ZDHHC2: variants seen among roughly 807,000 people sequenced by gnomAD.
ZDHHC2 encodes the protein zDHHC palmitoyltransferase 2.
Under a neutral mutation model 55.6 loss-of-function variants are expected in ZDHHC2, and 51 were observed. The ratio of observed to expected loss-of-function variants is 0.92; its 90% CI spans 0.73 to 1.16. The LOEUF (loss-of-function observed/expected upper bound fraction) is 1.16. ZDHHC2 is among the 50% of genes most tolerant of loss of function. The pLI, the probability that ZDHHC2 is intolerant of heterozygous loss-of-function variation, is 0.00. For missense variants in ZDHHC2, 491 were observed against 442.4 expected (o/e 1.11, Z -0.99); for synonymous variants, 199 against 152.9 (o/e 1.30, Z -2.22).
chr8:17,183,385 G>T (rs1481548749), intron 1 of ZDHHC2, among the ~76,000 whole-genome samples: 1 of 152,182 alleles, frequency 6.6e-6, no homozygotes, highest in East Asian at 1.9e-4. Flanking sequence ...CTTGCCTCAA[G>T]CCTCTCCTGT....
intron 3 of ZDHHC2, among the ~76,000 whole-genome samples, chr8:17,191,491 A>T (rs1006484179): frequency 6.6e-6 from 1 of 152,170 alleles, no homozygotes; most frequent in Non-Finnish European, 1.5e-5. Flanking sequence ...TCTGGTTGCC[A>T]TCCTTTTATT....
intron 1 of ZDHHC2, among the ~76,000 whole-genome samples, chr8:17,160,939 A>T (rs1202708264): frequency 6.6e-6 from 1 of 152,230 alleles, no homozygotes; most frequent in East Asian, 1.9e-4. Flanking sequence ...AAGCTAGACC[A>T]CTAGAATCTT....
At chr8:17,175,353 A>G (rs367808834) in intron 1 of ZDHHC2, among the ~76,000 whole-genome samples, 78 of 152,186 alleles carry the variant, frequency 5.1e-4, no homozygotes, top group Admixed American at 3.2e-3. Flanking sequence ...ATTGTAATTT[A>G]TTTGCATTTT....
chr8:17,172,445 T>TGCAGCCAG (rs1804905376), intron 1 of ZDHHC2, among the ~76,000 whole-genome samples: 1 of 151,880 alleles, frequency 6.6e-6, no homozygotes, highest in Admixed American at 6.6e-5. Flanking sequence ...AGATGGGGAG[T>TGCAGCCAG]GGGCTGCAGT....
chr8:17,169,270 T>C (rs1804743091), intron 1 of ZDHHC2, among the ~76,000 whole-genome samples: 1 of 149,834 alleles, frequency 6.7e-6, no homozygotes, highest in Non-Finnish European at 1.5e-5. Flanking sequence ...TGCCATTTCA[T>C]GGTTCAGCAG....
chr8:17,216,720 A>AT (rs1333917798), intron 11 of ZDHHC2, among the ~76,000 whole-genome samples: 1 of 152,124 alleles, frequency 6.6e-6, no homozygotes, highest in Non-Finnish European at 1.5e-5. Flanking sequence ...TGTTCGATTA[A>AT]TTTTTTTGTT....
At chr8:17,194,871 T>TTGATTG (rs1361739017) in intron 3 of ZDHHC2, among the ~76,000 whole-genome samples, 3 of 152,182 alleles carry the variant, frequency 2.0e-5, no homozygotes, top group African/African-American at 7.2e-5. Flanking sequence ...GGCGCACATT[T>TTGATTG]ATAGAAATTT....
chr8:17,190,951 C>CTTTTTTTTT (rs10601402), intron 3 of ZDHHC2, among the ~76,000 whole-genome samples: 22 of 52,776 alleles, frequency 4.2e-4, no homozygotes, highest in South Asian at 1.0e-3. Flanking sequence ...CTTATTCATT[C>CTTTTTTTTT]TTTTTTTTTT....
In ZDHHC2 at chr8:17,201,481, C is replaced by CTCTTTTT. The variant is rs1554466758; in HGVS notation, c.476+3069_476+3070insCTTTTTT. ...GGGGCAGCCTTTTCTCTCTCTCTCT[C>CTCTTTTT]TTTTTTTTTTTTTTTTTTTTTTTTT... On this transcript the variant is annotated intron_variant, in intron 6 of 12. Coordinates refer to ENST00000262096, the MANE Select transcript of ZDHHC2 (RefSeq NM_016353.5). 8.2e-4 allele frequency among the ~76,000 whole-genome samples: 20 copies of CTCTTTTT among 24,336 alleles called. 1 individual carries two copies. Among genetic ancestry groups the CTCTTTTT allele is most frequent in the Admixed American group, 7.2e-3 (10 of 1,380 alleles). The allele number at this position is 24,336 out of a possible 152,430, so 16.0% of individuals were successfully genotyped here.
chr8:17,185,312 G>T (rs1585680795), intron 2 of ZDHHC2, among the ~76,000 whole-genome samples: 2 of 152,068 alleles, frequency 1.3e-5, no homozygotes, highest in Admixed American at 1.3e-4. Flanking sequence ...ATTAAATTGT[G>T]TATTAATGTA....
chr8:17,169,665 A>G (rs567145336), intron 1 of ZDHHC2, among the ~76,000 whole-genome samples: 1 of 152,300 alleles, frequency 6.6e-6, no homozygotes, highest in East Asian at 1.9e-4. Context: ...TGATTTATAA[A>G]TGAAGAGCAA....
chr8:17,192,861 C>G (rs1180600464), intron 3 of ZDHHC2, among the ~76,000 whole-genome samples: 2 of 152,238 alleles, frequency 1.3e-5, no homozygotes, highest in Admixed American at 6.5e-5. Context: ...CCCAGCAGCA[C>G]TTACTGAAGA....
At chr8:17,195,261 C>G (rs1332299408) in intron 3 of ZDHHC2, among the ~76,000 whole-genome samples, 2 of 152,078 alleles carry the variant, frequency 1.3e-5, no homozygotes, top group Admixed American at 6.5e-5. Context: ...TTGAGTTACA[C>G]AAAAACCAGA....
chr8:17,210,476 A>T lies in ZDHHC2; in HGVS notation c.946A>T (p.Lys316Ter). The change falls in exon 10 of 13, where the codon AAA becomes TAA. Residue 316 changes from lysine to a stop codon, truncating the protein, a stop_gained. Transcript: ENST00000262096. LOFTEE classifies it high-confidence loss of function. Reference protein sequence around the residue: ...STPAGLNSTAKNLENHQFPAK... With the variant: ...STPAGLNSTA ...TCCTGCAGGGCTGAATTCCACAGCTAAAAAGTAATCTCATATTTTTTTTCA... is the reference window on the plus strand; with the variant it reads ...TCCTGCAGGGCTGAATTCCACAGCTTAAAAGTAATCTCATATTTTTTTTCA... 1 of 1,604,696 alleles carries T rather than the reference A, an allele frequency of 6.2e-7. No individual in the cohort carries two copies. The highest frequency in any genetic ancestry group is 8.5e-7 in the Non-Finnish European group (1 of 1,176,754).
At chr8:17,159,882 C>G (rs141876511) in intron 1 of ZDHHC2, among the ~76,000 whole-genome samples, 65 of 152,306 alleles carry the variant, frequency 4.3e-4, no homozygotes, top group African/African-American at 1.3e-3. Flanking sequence ...CCTTTTCCCT[C>G]TCCCCTGTCC....
chr8:17,188,969 C>G (rs1277078095), intron 3 of ZDHHC2, among the ~76,000 whole-genome samples: 3 of 152,020 alleles, frequency 2.0e-5, no homozygotes, highest in Non-Finnish European at 2.9e-5. Context: ...AAATTCTATA[C>G]CCTCACCCTC....
chr8:17,195,131 C>G (rs1430356744), intron 3 of ZDHHC2, among the ~76,000 whole-genome samples: 1 of 152,082 alleles, frequency 6.6e-6, no homozygotes, highest in Non-Finnish European at 1.5e-5. Context: ...TCTTAATGAT[C>G]TAAATGAAAA....
intron 1 of ZDHHC2, among the ~76,000 whole-genome samples, chr8:17,175,562 C>T (rs1276100726): frequency 1.3e-5 from 2 of 152,166 alleles, no homozygotes; most frequent in Non-Finnish European, 2.9e-5. Flanking sequence ...TGAATTTATC[C>T]TCCATATTTG....
chr8:17,189,406 G>A lies in ZDHHC2; in HGVS notation c.252+2981G>A, dbSNP rs145224539. ...TGAATACTTTTGAAAATACACCATC[G>A]TTAGAATGTAGGTTCCATAAGGGCG... is the stretch of plus-strand genomic sequence containing the variant. On this transcript the variant is annotated intron_variant, in intron 3 of 12. Transcript: ENST00000262096. 7.5e-4 allele frequency among the ~76,000 whole-genome samples: 114 copies of A among 152,178 alleles called. 1 individual carries two copies. The East Asian group carries it at 0.015, about 20-fold the overall frequency.
Sources: allele counts gnomAD v4.1 joint callset (sites outside exome capture counted in the v4.1 genomes callset), GRCh38; gene constraint gnomAD v4.1.1; transcripts MANE v1.5; gene names NCBI Gene and HGNC (gene_info 2026-07-23, HGNC 2026-07-21).